The following KLRG1 variants were observed in gnomAD, a reference collection of about 807,000 sequenced individuals.
KLRG1 encodes killer cell lectin like receptor G1, also known as killer cell lectin-like receptor subfamily G member 1.
Under a neutral mutation model 21.8 loss-of-function variants are expected in KLRG1, and 16 were observed. The observed-to-expected ratio is 0.73, with a 90% confidence interval of 0.50 to 1.11. KLRG1 has a LOEUF of 1.11. Ranked by LOEUF, KLRG1 falls within the 50% of genes most tolerant of loss-of-function variation. The probability of loss-of-function intolerance (pLI) is 0.00; values close to 1 mark genes in which losing one functional copy is unlikely to be tolerated. For synonymous variants in KLRG1, 69 were observed against 75.9 expected (o/e 0.91, Z 0.47); for missense variants, 173 against 218.3 (o/e 0.79, Z 1.31).
the KLRG1 span, chr12:9,148,793 T>C: frequency 1.7e-6 from 1 of 581,596 alleles, no homozygotes; most frequent in South Asian, 2.4e-5. Context: ...TAACTCATCA[T>C]GTGAACATGT....
At chr12:9,117,889 CT>C in the KLRG1 span, among the ~76,000 whole-genome samples, 1 of 151,880 alleles carries the variant, frequency 6.6e-6, no homozygotes, top group African/African-American at 2.4e-5. Context: ...ATCTTAAAGA[CT>C]TTTTTTTCAT....
At chr12:9,036,779 T>C in the KLRG1 span, 1 of 391,352 alleles carries the variant, frequency 2.6e-6, no homozygotes, top group East Asian at 7.6e-5. Flanking sequence ...TTGATTTTGC[T>C]GGACCTGCAA....
At chr12:9,025,251 G>A in the KLRG1 span, among the ~76,000 whole-genome samples, 26 of 152,150 alleles carry the variant, frequency 1.7e-4, no homozygotes, top group African/African-American at 1.7e-4. Flanking sequence ...GTCATATGTC[G>A]GGTCAATAGA....
chr12:9,090,041 T>G, the KLRG1 span: 2 of 1,579,144 alleles, frequency 1.3e-6, no homozygotes, highest in Non-Finnish European at 8.7e-7. Flanking sequence ...AAAAGGCCAG[T>G]AGAAATGAAT....
the KLRG1 span, chr12:9,192,374 A>C: frequency 7.8e-7 from 1 of 1,289,194 alleles, no homozygotes; most frequent in Non-Finnish European, 1.1e-6. Context: ...CAACCTCAAG[A>C]AAACTCATGG....
the KLRG1 span, chr12:9,152,385 T>G: frequency 9.4e-7 from 1 of 1,067,298 alleles, no homozygotes. Flanking sequence ...CAAGCATCAC[T>G]TTAAGCCTGT....
chr12:9,020,648 A>G, the KLRG1 span, among the ~76,000 whole-genome samples: 1 of 152,168 alleles, frequency 6.6e-6, no homozygotes, highest in Non-Finnish European at 1.5e-5. Flanking sequence ...ACCGCAATTA[A>G]TTTATCCATT....
At chr12:9,163,887 T>C in the KLRG1 span, 3 of 1,423,110 alleles carry the variant, frequency 2.1e-6, no homozygotes, top group Non-Finnish European at 2.8e-6. Context: ...GAATAGAAAA[T>C]AAGGCTAAAA....
chr12:9,133,051 G>A, the KLRG1 span, among the ~76,000 whole-genome samples: 1 of 152,082 alleles, frequency 6.6e-6, no homozygotes, highest in Non-Finnish European at 1.5e-5. Context: ...TGAAAAAGGT[G>A]TGGGTTTTTT....
chr12:9,018,829 A>C, the KLRG1 span, among the ~76,000 whole-genome samples: 2 of 152,176 alleles, frequency 1.3e-5, no homozygotes. Context: ...GAAACTACTA[A>C]AAGAAAACAT....
At chr12:9,049,819 T>G in the KLRG1 span, among the ~76,000 whole-genome samples, 1 of 152,130 alleles carries the variant, frequency 6.6e-6, no homozygotes, top group East Asian at 1.9e-4. Flanking sequence ...AGGGGAAGCA[T>G]ATAAAAAACG....
At chr12:9,093,372 A>T in the KLRG1 span, 3 of 806,712 alleles carry the variant, frequency 3.7e-6, no homozygotes, top group East Asian at 7.8e-5. Context: ...CATCATAAAC[A>T]TATAAAACAA....
chr12:9,018,640 A>G, the KLRG1 span, among the ~76,000 whole-genome samples: 4 of 151,342 alleles, frequency 2.6e-5, no homozygotes, highest in Non-Finnish European at 4.4e-5. Context: ...CAGGAGTTTG[A>G]GACCAGCCTG....
chr12:8,999,221 C>A (rs756337597), intron 3 of KLRG1, among the ~76,000 whole-genome samples: 7 of 152,048 alleles, frequency 4.6e-5, no homozygotes, highest in Non-Finnish European at 1.0e-4. Flanking sequence ...ATTTTTCTTG[C>A]CATTTTTCCC....
the KLRG1 span, chr12:9,194,136 C>T: frequency 6.2e-7 from 1 of 1,613,846 alleles, no homozygotes; most frequent in Non-Finnish European, 8.5e-7. Flanking sequence ...TGTGCAAGAC[C>T]CTGCTCATTG....
chr12:9,114,416 A>G, the KLRG1 span, among the ~76,000 whole-genome samples: 2 of 152,258 alleles, frequency 1.3e-5, no homozygotes, highest in East Asian at 3.9e-4. Context: ...ATTATTTTTG[A>G]TGATATTTTA....
chr12:9,164,313 A>G, the KLRG1 span: 4 of 1,558,046 alleles, frequency 2.6e-6, no homozygotes, highest in Middle Eastern at 5.4e-4. Flanking sequence ...GAACGACACG[A>G]ACACATAGAA....
chr12:9,094,899 A>G, the KLRG1 span: 9 of 748,528 alleles, frequency 1.2e-5, no homozygotes, highest in Admixed American at 3.1e-4. Context: ...AATTTTTGTC[A>G]CATTGTATCT....
downstream of KLRG1, among the ~76,000 whole-genome samples, chr12:9,013,462 G>A (rs1947659258): frequency 6.6e-6 from 1 of 152,122 alleles, no homozygotes; most frequent in Non-Finnish European, 1.5e-5. Flanking sequence ...GAAGCTCAAT[G>A]AAATTCAAGG....
Sources: gnomAD v4.1 joint callset for allele counts (sites outside exome capture counted in the v4.1 genomes callset) on GRCh38, gnomAD v4.1.1 for gene constraint, MANE v1.5 for transcripts, NCBI Gene and HGNC (gene_info 2026-07-23, HGNC 2026-07-21) for gene names.